Variants in UBE2U observed in about 807,000 individuals in gnomAD.
The protein encoded by UBE2U is ubiquitin conjugating enzyme E2 U.
A neutral mutation model predicts 41.2 loss-of-function variants in UBE2U; 39 were observed. The ratio of observed to expected loss-of-function variants is 0.95; its 90% CI spans 0.73 to 1.24. The LOEUF is 1.24. UBE2U is among the 50% of genes most tolerant of loss of function. The pLI is 0.00. For missense variants in UBE2U, 336 were observed against 363.1 expected (o/e 0.93, Z 0.61); for synonymous variants, 107 against 117.8 (o/e 0.91, Z 0.60).
At chr1:64,241,278 A>C (rs1348471622) in intron 7 of UBE2U, among the ~76,000 whole-genome samples, 1 of 152,114 alleles carries the variant, frequency 6.6e-6, no homozygotes, top group Non-Finnish European at 1.5e-5. Context: ...TTAAAGTTTC[A>C]GTTTTATTGC....
intron 6 of UBE2U, among the ~76,000 whole-genome samples, chr1:64,224,110 T>G (rs1652687425): frequency 6.6e-6 from 1 of 151,696 alleles, no homozygotes; most frequent in Non-Finnish European, 1.5e-5. Flanking sequence ...TGTATGCGAG[T>G]GGCTAAATCA....
intron 4 of UBE2U, among the ~76,000 whole-genome samples, chr1:64,214,170 G>A (rs111274601): frequency 7.4e-4 from 112 of 152,186 alleles, no homozygotes; most frequent in African/African-American, 2.1e-3. Flanking sequence ...TCAGTGCTGC[G>A]CAGTAGCACT....
intron 7 of UBE2U, among the ~76,000 whole-genome samples, chr1:64,240,514 T>C (rs1255534258): frequency 6.6e-6 from 1 of 152,132 alleles, no homozygotes; most frequent in Non-Finnish European, 1.5e-5. Context: ...GTCTCCCAAC[T>C]ACAAAGTGGT....
chr1:64,246,437 TG>T (rs1311577393), intron 8 of UBE2U, among the ~76,000 whole-genome samples: 3 of 152,350 alleles, frequency 2.0e-5, no homozygotes, highest in African/African-American at 7.2e-5. Flanking sequence ...AATTTAAACA[TG>T]TTTTTTATAA....
At chr1:64,247,313 G>A (rs1486887620) in intron 8 of UBE2U, among the ~76,000 whole-genome samples, 2 of 152,072 alleles carry the variant, frequency 1.3e-5, no homozygotes, top group Non-Finnish European at 2.9e-5. Flanking sequence ...AAACACCATG[G>A]CTTAGGGCTT....
chr1:64,247,164 T>C (rs1282960160), intron 8 of UBE2U, among the ~76,000 whole-genome samples: 1 of 151,412 alleles, frequency 6.6e-6, no homozygotes, highest in African/African-American at 2.4e-5. Context: ...TCAGCTGATT[T>C]TTATGAATTC....
chr1:64,207,338 A>G (rs149797739), intron 3 of UBE2U, among the ~76,000 whole-genome samples: 553 of 152,248 alleles, frequency 3.6e-3, no homozygotes, highest in Admixed American at 7.3e-3. Context: ...TTTAGCAGAG[A>G]TGGGGTTTCA....
chr1:64,240,564 G>A (rs763569572), intron 7 of UBE2U, among the ~76,000 whole-genome samples: 2 of 152,272 alleles, frequency 1.3e-5, no homozygotes, highest in South Asian at 4.1e-4. Context: ...TCAGAACCTG[G>A]ATGATCATCT....
chr1:64,217,397 A>T (rs1199384338), intron 5 of UBE2U, among the ~76,000 whole-genome samples: 2 of 152,194 alleles, frequency 1.3e-5, no homozygotes, highest in Non-Finnish European at 2.9e-5. Context: ...TGCCTCATAG[A>T]TTCTGAGTAT....
chr1:64,253,485 G>A (rs182554024), intron 8 of UBE2U, among the ~76,000 whole-genome samples: 27 of 152,238 alleles, frequency 1.8e-4, no homozygotes, highest in Non-Finnish European at 3.7e-4. Context: ...AGGTCGAAAT[G>A]AAGGAAAAAA....
At chr1:64,239,172 G>GAAGAAGAAGAAGAAGAA (rs1644779697) in intron 7 of UBE2U, among the ~76,000 whole-genome samples, 37 of 95,726 alleles carry the variant, frequency 3.9e-4, no homozygotes, top group African/African-American at 1.5e-3. Context: ...AGAAGAAGAA[G>GAAGAAGAAGAAGAAGAA]AAGAAGAAGA....
chr1:64,249,852 A>T (rs1409342895), intron 8 of UBE2U, among the ~76,000 whole-genome samples: 1 of 152,102 alleles, frequency 6.6e-6, no homozygotes, highest in Non-Finnish European at 1.5e-5. Context: ...ATTTGAAGAA[A>T]TAATTATGAC....
chr1:64,206,485 T>C (rs1427057113), intron 2 of UBE2U, among the ~76,000 whole-genome samples: 1 of 150,506 alleles, frequency 6.6e-6, no homozygotes, highest in African/African-American at 2.4e-5. Flanking sequence ...GGAACATGAG[T>C]TCAGTCAATA....
At chr1:64,252,122 A>G (rs1197968750) in intron 8 of UBE2U, among the ~76,000 whole-genome samples, 2 of 151,798 alleles carry the variant, frequency 1.3e-5, no homozygotes, top group African/African-American at 4.8e-5. Context: ...AACACAACAC[A>G]CCTGCTTTGC....
At position 64,209,569 on chromosome 1, in the gene UBE2U, T is replaced by A. The variant is rs143148676; in HGVS notation, c.242-1173T>A. 2.7e-3 allele frequency among the ~76,000 whole-genome samples: 417 copies of A among 152,332 alleles called. 2 individuals are homozygous for A. Among genetic ancestry groups the A allele is most frequent in the Admixed American group, 8.8e-3 (135 of 15,296 alleles). ...AAGTGCGTTCTCCATTTCAGTCTTA[T>A]GTGCAATGAAGCTGATGTTTTTACT... On this transcript the variant is annotated intron_variant, in intron 3 of 9. Coordinates refer to ENST00000371077, the MANE Select transcript of UBE2U (RefSeq NM_001366232.2).
chr1:64,252,669 T>A (rs1570132055), intron 8 of UBE2U, among the ~76,000 whole-genome samples: 1 of 152,134 alleles, frequency 6.6e-6, no homozygotes, highest in African/African-American at 2.4e-5. Flanking sequence ...CTACATTTGC[T>A]AACAGTCAGT....
intron 8 of UBE2U, among the ~76,000 whole-genome samples, chr1:64,252,651 T>C (rs1015203635): frequency 6.6e-6 from 1 of 152,084 alleles, no homozygotes. Flanking sequence ...CAGCAAACCA[T>C]AGCAGCCCTA....
chr1:64,222,506 T>C (rs1298462101), intron 6 of UBE2U, among the ~76,000 whole-genome samples: 1 of 152,204 alleles, frequency 6.6e-6, no homozygotes, highest in African/African-American at 2.4e-5. Flanking sequence ...TGATTTGTGG[T>C]ATTCACCTTG....
At chr1:64,221,857 C>T (rs757163414) in intron 6 of UBE2U, among the ~76,000 whole-genome samples, 4 of 152,014 alleles carry the variant, frequency 2.6e-5, no homozygotes, top group East Asian at 1.9e-4. Flanking sequence ...GAGGCCAAGG[C>T]GGGTGGATCA....
Sources: allele counts gnomAD v4.1 joint callset (sites outside exome capture counted in the v4.1 genomes callset), GRCh38; gene constraint gnomAD v4.1.1; transcripts MANE v1.5; gene names NCBI Gene and HGNC (gene_info 2026-07-23, HGNC 2026-07-21).